HTR1E: variants seen among roughly 807,000 people sequenced by gnomAD.
HTR1E encodes 5-HT-1E.
In HTR1E, 3 loss-of-function variants were observed where a neutral mutation model predicts 3.4. The ratio of observed to expected loss-of-function variants is 0.89; its 90% CI spans 0.41 to 2.31. The LOEUF is 2.31. HTR1E is among the 30% of genes most tolerant of loss of function. The probability of loss-of-function intolerance (pLI) is 0.05; values close to 1 mark genes in which losing one functional copy is unlikely to be tolerated. For missense variants in HTR1E, 392 were observed against 467.0 expected (o/e 0.84, Z 1.48); for synonymous variants, 170 against 182.8 (o/e 0.93, Z 0.56).
chr6:86,990,015 C>A (rs1230086583), intron 1 of HTR1E, among the ~76,000 whole-genome samples: 1 of 152,158 alleles, frequency 6.6e-6, no homozygotes, highest in Admixed American at 6.5e-5. Flanking sequence ...AGATAGATGG[C>A]ACTAAGTGGA....
intron 1 of HTR1E, among the ~76,000 whole-genome samples, chr6:86,972,000 G>A (rs982107973): frequency 6.6e-6 from 1 of 151,978 alleles, no homozygotes; most frequent in Non-Finnish European, 1.5e-5. Context: ...ATAATTGAGG[G>A]GTGAATGTCA....
chr6:86,995,584 T>G (rs968501684), intron 1 of HTR1E, among the ~76,000 whole-genome samples: 2 of 141,660 alleles, frequency 1.4e-5, no homozygotes, highest in Admixed American at 1.5e-4. Flanking sequence ...AAGAAACGCT[T>G]GAACCTGGGA....
chr6:86,951,754 T>C (rs1767244298), intron 1 of HTR1E, among the ~76,000 whole-genome samples: 1 of 152,170 alleles, frequency 6.6e-6, no homozygotes, highest in African/African-American at 2.4e-5. Flanking sequence ...ATATGTCTAT[T>C]GAAATATCCC....
At chr6:87,001,211 C>T (rs1191394107) in intron 1 of HTR1E, among the ~76,000 whole-genome samples, 2 of 151,944 alleles carry the variant, frequency 1.3e-5, no homozygotes, top group African/African-American at 2.4e-5. Flanking sequence ...GAGGAAATCA[C>T]GTTTGCCAAA....
intron 1 of HTR1E, among the ~76,000 whole-genome samples, chr6:86,959,399 T>C (rs944838836): frequency 6.6e-6 from 1 of 151,986 alleles, no homozygotes; most frequent in Non-Finnish European, 1.5e-5. Context: ...GGCAACATGA[T>C]GAAACCCTGT....
At chr6:86,986,267 T>C (rs1490191084) in intron 1 of HTR1E, among the ~76,000 whole-genome samples, 1 of 152,198 alleles carries the variant, frequency 6.6e-6, no homozygotes, top group Non-Finnish European at 1.5e-5. Context: ...GAGAAAAGTT[T>C]ATATCACTAC....
chr6:86,997,471 C>T (rs917955492), intron 1 of HTR1E, among the ~76,000 whole-genome samples: 1 of 151,564 alleles, frequency 6.6e-6, no homozygotes, highest in African/African-American at 2.4e-5. Context: ...AAACTCATAT[C>T]TAATAAGTTA....
intron 1 of HTR1E, among the ~76,000 whole-genome samples, chr6:86,973,470 C>G (rs913941089): frequency 2.0e-5 from 3 of 152,104 alleles, no homozygotes; most frequent in Non-Finnish European, 4.4e-5. Flanking sequence ...CAGCCACCAA[C>G]TCTCATAAAA....
intron 1 of HTR1E, among the ~76,000 whole-genome samples, chr6:86,998,969 G>C (rs967181196): frequency 6.6e-6 from 1 of 151,934 alleles, no homozygotes; most frequent in African/African-American, 2.4e-5. Flanking sequence ...TCACTTATTT[G>C]TTTATTTTCA....
intron 1 of HTR1E, among the ~76,000 whole-genome samples, chr6:86,996,146 AC>A (rs1767937380): frequency 1.3e-5 from 2 of 152,204 alleles, no homozygotes; most frequent in African/African-American, 4.8e-5. Flanking sequence ...TTTATAAAAC[AC>A]TTCAAACAAC....
Position 87,008,546 on chromosome 6 carries a change from T to C in HTR1E, c.-185-6604T>C, listed in dbSNP as rs968233703. ...ATTGAAAACCAATAGATTAGCTAAA[T>C]TGGTGAAATTAAAAATGAACTGAGC... On this transcript the variant is annotated intron_variant, in intron 1 of 1. Transcript: ENST00000305344. 3.3e-5 allele frequency among the ~76,000 whole-genome samples: 5 copies of C among 152,298 alleles called. No individual in the cohort carries two copies. In the South Asian group the frequency reaches 8.3e-4, roughly 25 times the overall value.
intron 1 of HTR1E, among the ~76,000 whole-genome samples, chr6:86,951,639 C>T (rs1356349519): frequency 1.3e-5 from 2 of 152,008 alleles, no homozygotes. Flanking sequence ...GTTTCCCTTA[C>T]AAAACATGCT....
intron 1 of HTR1E, among the ~76,000 whole-genome samples, chr6:86,959,258 T>C (rs1767371667): frequency 6.6e-6 from 1 of 151,826 alleles, no homozygotes; most frequent in African/African-American, 2.4e-5. Context: ...AGTGTTAATC[T>C]CATCTTAAAA....
At chr6:86,943,476 G>A (rs940342201) in intron 1 of HTR1E, among the ~76,000 whole-genome samples, 1 of 152,174 alleles carries the variant, frequency 6.6e-6, no homozygotes, top group Non-Finnish European at 1.5e-5. Context: ...GAGCTGCATG[G>A]TCTGTCATCG....
intron 1 of HTR1E, among the ~76,000 whole-genome samples, chr6:87,006,158 G>C (rs1768103870): frequency 6.6e-6 from 1 of 152,150 alleles, no homozygotes; most frequent in Admixed American, 6.5e-5. Context: ...AACCACTATG[G>C]AGAACAGTTT....
rs1354892016 is a variant in HTR1E, at chr6:87,016,017, A to G, written c.683A>G (p.Asp228Gly). 2.5e-6 allele frequency: 4 copies of G among 1,614,230 alleles called. No homozygotes were observed. Among genetic ancestry groups the G allele is most frequent in the Admixed American group, 1.7e-5 (1 of 60,036 alleles). Residue 228 changes from aspartate to glycine, a missense_variant, in exon 2 of 2, where the codon GAT (aspartate) becomes GGT (glycine). Physicochemically the swap from Asp to Gly is moderately conservative, Grantham distance 94. Transcript: ENST00000305344. Reference sequence around the variant, plus strand: ...CGGCACTTAAGCAACAGAAGCACAGATAGCCAGAATTCTTTTGCAAGTTGT... The same window carrying G: ...CGGCACTTAAGCAACAGAAGCACAGGTAGCCAGAATTCTTTTGCAAGTTGT... ...SSRHLSNRST[D>G]SQNSFASCKL... is the part of the protein sequence containing the mutation.
At chr6:86,998,396 G>C (rs1261073843) in intron 1 of HTR1E, among the ~76,000 whole-genome samples, 1 of 152,012 alleles carries the variant, frequency 6.6e-6, no homozygotes, top group Non-Finnish European at 1.5e-5. Flanking sequence ...ATGAGCCTGA[G>C]TACAATAGAA....
At chr6:86,950,525 C>T (rs1031033496) in intron 1 of HTR1E, among the ~76,000 whole-genome samples, 5 of 152,200 alleles carry the variant, frequency 3.3e-5, no homozygotes, top group African/African-American at 1.2e-4. Flanking sequence ...CTTAACTACC[C>T]TCTGCCTCAG....
intron 1 of HTR1E, chr6:86,970,778 T>C (rs898484735): frequency 1.9e-4 from 43 of 229,422 alleles, no homozygotes; most frequent in Non-Finnish European, 3.0e-4. Context: ...AAAGGTATTA[T>C]TGCAGCTTCT....
Sources: allele counts gnomAD v4.1 joint callset (sites outside exome capture counted in the v4.1 genomes callset), GRCh38; gene constraint gnomAD v4.1.1; transcripts MANE v1.5; gene names NCBI Gene and HGNC (gene_info 2026-07-23, HGNC 2026-07-21).